The following MYOM3 variants were observed in gnomAD, a reference collection of about 807,000 sequenced individuals.
MYOM3 encodes the protein myomesin 3, also known as myomesin-3.
Under a neutral mutation model 191.7 loss-of-function variants are expected in MYOM3, and 155 were observed. That is an observed-to-expected ratio of 0.81 (90% CI 0.71 to 0.92). MYOM3 has a LOEUF of 0.92. MYOM3 is among the 40% of genes least tolerant of loss of function. The pLI is 0.00. For synonymous variants in MYOM3, 757 were observed against 762.9 expected (o/e 0.99, Z 0.13); for missense variants, 1,889 against 1,890.6 (o/e 1.00, Z 0.02).
chr1:24,056,942 T>A lies in MYOM3; in HGVS notation c.*422A>T, dbSNP rs1643308209. On this transcript the variant is annotated 3_prime_UTR_variant, in exon 37 of 37. Coordinates refer to ENST00000374434, the MANE Select transcript of MYOM3 (RefSeq NM_152372.4). ...AGGTGTCTGTTGAACTTACATGAAT[T>A]GAAACTATGGGATCCTAAAAGAGGG... is the stretch of plus-strand genomic sequence containing the variant. The A allele has an allele frequency of 6.1e-6, 1 of 164,330 alleles. No homozygotes were observed. Among genetic ancestry groups the A allele is most frequent in the Non-Finnish European group, 1.3e-5 (1 of 76,016 alleles). The allele number at this position is 164,330 out of a possible 1,614,324, so 10.2% of individuals were successfully genotyped here.
intron 7 of MYOM3, among the ~76,000 whole-genome samples, chr1:24,096,861 G>A (rs1006558190): frequency 1.3e-5 from 2 of 152,246 alleles, no homozygotes; most frequent in Non-Finnish European, 2.9e-5. Flanking sequence ...CTGGTCATGG[G>A]AATGGGTACC....
At position 24,075,300 on chromosome 1, in the gene MYOM3, C is replaced by T; in HGVS notation, c.2858+19G>A. 1 of 1,611,078 alleles carries T rather than the reference C, an allele frequency of 6.2e-7. No homozygotes were observed. The highest frequency in any genetic ancestry group is 1.1e-5 in the South Asian group (1 of 90,846). On this transcript the variant is annotated intron_variant, in intron 22 of 36. Coordinates refer to ENST00000374434, the MANE Select transcript of MYOM3 (RefSeq NM_152372.4). The stretch of plus-strand genomic sequence containing the variant: ...TTTGGGTCCCGTTGAGCAGTTGTTT[C>T]TCCTCTCGCCTCACTTACTTGTTAA...
intron 20 of MYOM3, among the ~76,000 whole-genome samples, chr1:24,077,638 C>T (rs888555232): frequency 2.0e-5 from 3 of 152,228 alleles, no homozygotes; most frequent in East Asian, 1.9e-4. Flanking sequence ...GCATTTATCA[C>T]GCAGTATTGT....
rs1269190547 is a variant in MYOM3 at position 24,057,315 on chromosome 1, C to T, written c.*49G>A. On this transcript the variant is annotated 3_prime_UTR_variant, in exon 37 of 37. Transcript: ENST00000374434. ...GGCTGTGACCCTGGTACAGGTTGTCCCTACTGGTCCATGTAGACTAGACTC... is the reference window on the plus strand; with the variant it reads ...GGCTGTGACCCTGGTACAGGTTGTCTCTACTGGTCCATGTAGACTAGACTC... 3 of 1,572,484 alleles carry T rather than the reference C, an allele frequency of 1.9e-6. No homozygotes were observed. The highest frequency in any genetic ancestry group is 1.3e-5 in the African/African-American group (1 of 74,420).
intron 35 of MYOM3, among the ~76,000 whole-genome samples, chr1:24,059,941 G>A (rs1396025420): frequency 6.6e-6 from 1 of 152,206 alleles, no homozygotes; most frequent in East Asian, 1.9e-4. Flanking sequence ...GACCCCAGAT[G>A]GGGAGGGGAA....
chr1:24,091,901 G>A (rs969145927), intron 11 of MYOM3, among the ~76,000 whole-genome samples: 17 of 152,170 alleles, frequency 1.1e-4, no homozygotes, highest in Admixed American at 2.6e-4. Flanking sequence ...AGCACTCCCC[G>A]TTTTGCCCCT....
chr1:24,082,035 A>C lies in MYOM3; in HGVS notation c.2246T>G (p.Val749Gly). ...HDSEELDWHA[V>G]NQQPIPTRVC... The stretch of plus-strand genomic sequence containing the variant: ...CCGGGTGGGGATGGGCTGCTGATTG[A>C]CCGCATGCCAGTCCAGCTCTTCCGA... The change falls in exon 18 of 37, where the codon GTC (valine) becomes GGC (glycine). Residue 749 changes from valine (V) to glycine (G), a missense_variant. Physicochemically the swap from Val to Gly is moderately radical, Grantham distance 109 (BLOSUM62 -3). Transcript: ENST00000374434. The C allele has an allele frequency of 6.2e-7, 1 of 1,611,786 alleles. No homozygotes were observed. The highest frequency in any genetic ancestry group is 8.5e-7 in the Non-Finnish European group (1 of 1,179,748).
rs60004232 is a variant in MYOM3 at position 24,109,945 on chromosome 1, G to A, written c.-18-1291C>T. 4.0e-3 allele frequency among the ~76,000 whole-genome samples: 616 copies of A among 152,378 alleles called. 5 individuals are homozygous for A. Among genetic ancestry groups the A allele is most frequent in the African/African-American group, 0.014 (591 of 41,594 alleles). ...ATTCCCAAGGCTCAAGTCTAGGCCC[G>A]TGATGGCGCCCAGTGGGGCCGGATC... is the stretch of plus-strand genomic sequence containing the variant. On this transcript the variant is annotated intron_variant, in intron 1 of 36. Transcript: ENST00000374434.
intron 16 of MYOM3, chr1:24,082,970 G>T (rs1425572783): frequency 2.3e-5 from 8 of 342,760 alleles, no homozygotes. Context: ...GCTAGGAAAG[G>T]TTCTAATTTA....
At chr1:24,075,188 A>G (rs868213754) in intron 22 of MYOM3, 131 bp downstream of exon 22, 17 of 865,972 alleles carry the variant, frequency 2.0e-5, no homozygotes, top group Non-Finnish European at 2.5e-5. Context: ...GTCCTCAGTG[A>G]AAGACTGAGC....
At chr1:24,065,504 C>T (rs542707828) in intron 29 of MYOM3, among the ~76,000 whole-genome samples, 240 of 152,212 alleles carry the variant, frequency 1.6e-3, no homozygotes, top group Non-Finnish European at 2.9e-3. Context: ...AGGAAGGAGG[C>T]GTTGAAAGAG....
chr1:24,094,798 T>C, intron 9 of MYOM3, 55 bp downstream of exon 9: 1 of 1,550,860 alleles, frequency 6.4e-7, no homozygotes, highest in Non-Finnish European at 8.7e-7. Context: ...GGCTCTGAGT[T>C]GAGCTTTGGA....
chr1:24,073,818 G>A (rs1442046850), intron 23 of MYOM3, among the ~76,000 whole-genome samples: 9 of 143,080 alleles, frequency 6.3e-5, no homozygotes, highest in Non-Finnish European at 1.0e-4. Context: ...AGCCGAGATC[G>A]TGCCACTGCA....
At chr1:24,067,854 A>G in intron 27 of MYOM3, 116 bp downstream of exon 27, 1 of 952,066 alleles carries the variant, frequency 1.1e-6, no homozygotes, top group African/African-American at 1.6e-5. Flanking sequence ...GGACTGAATG[A>G]CAGTGGACCT....
At chr1:24,060,180 G>A (rs1034955458) in intron 35 of MYOM3, among the ~76,000 whole-genome samples, 3 of 152,138 alleles carry the variant, frequency 2.0e-5, no homozygotes, top group African/African-American at 7.2e-5. Flanking sequence ...TGGTACAAGA[G>A]CCTCCTCGTG....
intron 27 of MYOM3, among the ~76,000 whole-genome samples, chr1:24,067,395 C>CT (rs780474320): frequency 3.4e-5 from 1 of 29,626 alleles, no homozygotes; most frequent in Non-Finnish European, 5.7e-5. Flanking sequence ...TTTTTCCTTC[C>CT]TTCCTTCCTT....
chr1:24,106,416 G>C (rs533575186), intron 4 of MYOM3, among the ~76,000 whole-genome samples: 20 of 152,290 alleles, frequency 1.3e-4, no homozygotes, highest in African/African-American at 4.6e-4. Flanking sequence ...TGGAAGCTGG[G>C]GAGGGAGTGT....
rs1476248944 is a variant in MYOM3, at chr1:24,061,977, G to T, written c.3903C>A (p.Val1301=). 1 of 1,614,092 alleles carries T rather than the reference G, an allele frequency of 6.2e-7. No individual in the cohort carries two copies. The highest frequency in any genetic ancestry group is 1.3e-5 in the African/African-American group (1 of 74,924). Residue 1301 remains valine (V), a synonymous_variant, in exon 33 of 37, where the codon GTC becomes GTA. Transcript: ENST00000374434. ...YTLEIAAGKE[V]RQLSTDLSGQ... is the part of the protein sequence containing the mutation. ...CTGAGAGATCTGTTGAGAGCTGCCG[G>T]ACTTCCTTCCCTGCAGCTATTTCCA...
At chr1:24,093,149 T>A (rs1229168803) in intron 9 of MYOM3, 41 bp from the exon 10 acceptor site, 5 of 1,416,822 alleles carry the variant, frequency 3.5e-6, no homozygotes, top group East Asian at 2.5e-5. Flanking sequence ...TTGTGGGGGG[T>A]CCTGGTCTCA....
Sources: allele counts gnomAD v4.1 joint callset (sites outside exome capture counted in the v4.1 genomes callset), GRCh38; gene constraint gnomAD v4.1.1; transcripts MANE v1.5; gene names NCBI Gene and HGNC (gene_info 2026-07-23, HGNC 2026-07-21).